FHIT: variants seen among roughly 807,000 people sequenced by gnomAD.
FHIT encodes bis(5'-adenosyl)-triphosphatase.
FHIT carries 19 observed loss-of-function variants against 17.9 expected under a neutral mutation model. The ratio of observed to expected loss-of-function variants is 1.06; its 90% CI spans 0.74 to 1.56. FHIT has a LOEUF of 1.56. FHIT is among the 40% of genes most tolerant of loss of function. The pLI, the probability that FHIT is intolerant of heterozygous loss-of-function variation, is 0.00. For missense variants in FHIT, 248 were observed against 189.2 expected, an observed-to-expected ratio of 1.31 and a Z score of -1.82; for synonymous variants, 81 against 69.7, an observed-to-expected ratio of 1.16 and a Z score of -0.81.
intron 8 of FHIT, among the ~76,000 whole-genome samples, chr3:59,832,804 G>T (rs1406375313): frequency 6.6e-6 from 1 of 152,138 alleles, no homozygotes; most frequent in Admixed American, 6.6e-5. Context: ...GGATGCTAGG[G>T]GCTATCTTCC....
At chr3:61,191,823 T>C (rs1466830670) in intron 2 of FHIT, among the ~76,000 whole-genome samples, 1 of 152,014 alleles carries the variant, frequency 6.6e-6, no homozygotes. Context: ...TTGCTTAACA[T>C]GCCGGCCAAA....
chr3:59,858,082 T>G (rs1001784814), intron 8 of FHIT, among the ~76,000 whole-genome samples: 8 of 152,116 alleles, frequency 5.3e-5, no homozygotes, highest in Admixed American at 1.3e-4. Flanking sequence ...GACAAGTAAG[T>G]AATGCAGAGA....
At chr3:60,060,608 T>C (rs183343850) in intron 5 of FHIT, among the ~76,000 whole-genome samples, 98 of 152,292 alleles carry the variant, frequency 6.4e-4, no homozygotes, top group Middle Eastern at 3.4e-3. Flanking sequence ...ATGAAAACTG[T>C]GGCACATTTG....
At chr3:60,013,402 C>T (rs996622729) in intron 6 of FHIT, among the ~76,000 whole-genome samples, 24 of 152,302 alleles carry the variant, frequency 1.6e-4, no homozygotes, top group African/African-American at 3.4e-4. Context: ...TATGTTACTA[C>T]GGATTTACTC....
At chr3:60,078,790 C>A (rs1703146130) in intron 5 of FHIT, among the ~76,000 whole-genome samples, 1 of 151,962 alleles carries the variant, frequency 6.6e-6, no homozygotes, top group African/African-American at 2.4e-5. Flanking sequence ...ATATATGGTA[C>A]ACACACTCAT....
chr3:60,223,216 T>C (rs572244468), intron 5 of FHIT, among the ~76,000 whole-genome samples: 2 of 152,308 alleles, frequency 1.3e-5, no homozygotes, highest in African/African-American at 2.4e-5. Flanking sequence ...AGTGGTGTCA[T>C]GCTCTGTGCT....
chr3:59,825,425 G>A (rs960413659), intron 8 of FHIT, among the ~76,000 whole-genome samples: 1 of 152,150 alleles, frequency 6.6e-6, no homozygotes, highest in East Asian at 1.9e-4. Context: ...GTTGAGTTCT[G>A]TTGTGGTTCA....
At chr3:60,294,857 C>A (rs548581591) in intron 5 of FHIT, among the ~76,000 whole-genome samples, 1 of 152,246 alleles carries the variant, frequency 6.6e-6, no homozygotes, top group South Asian at 2.1e-4. Flanking sequence ...CTGTATGTAT[C>A]AATAGTTCAT....
chr3:60,327,835 G>A (rs1709772694), intron 5 of FHIT, among the ~76,000 whole-genome samples: 1 of 152,084 alleles, frequency 6.6e-6, no homozygotes, highest in African/African-American at 2.4e-5. Flanking sequence ...TTCAAATGAA[G>A]AGACTCTAAT....
At chr3:61,154,852 G>C (rs912568830) in intron 2 of FHIT, among the ~76,000 whole-genome samples, 2 of 152,176 alleles carry the variant, frequency 1.3e-5, no homozygotes, top group Non-Finnish European at 2.9e-5. Context: ...GCTTTTGAAA[G>C]CATTTTCAAA....
chr3:60,951,281 C>T (rs1300313433), intron 3 of FHIT, among the ~76,000 whole-genome samples: 1 of 152,144 alleles, frequency 6.6e-6, no homozygotes, highest in Non-Finnish European at 1.5e-5. Context: ...GCAAAGAAGA[C>T]ATGCCAATAA....
chr3:60,830,865 A>G (rs1318347981), intron 3 of FHIT, among the ~76,000 whole-genome samples: 2 of 152,166 alleles, frequency 1.3e-5, no homozygotes, highest in African/African-American at 4.8e-5. Flanking sequence ...TGGAAGTATT[A>G]AAACATCTCA....
intron 4 of FHIT, among the ~76,000 whole-genome samples, chr3:60,667,021 A>ATTTTTTTTTTTTTT (rs56071877): frequency 5.9e-5 from 2 of 34,128 alleles, no homozygotes; most frequent in African/African-American, 2.1e-4. Context: ...TGCCTGGTTA[A>ATTTTTTTTTTTTTT]TTTTTTTTTT....
intron 5 of FHIT, among the ~76,000 whole-genome samples, chr3:60,341,831 G>A (rs556722699): frequency 3.7e-4 from 56 of 152,152 alleles, no homozygotes; most frequent in Middle Eastern, 3.4e-3. Flanking sequence ...GGAAATATTC[G>A]CACCGCCTGG....
At chr3:60,745,401 T>C (rs1343308735) in intron 4 of FHIT, among the ~76,000 whole-genome samples, 3 of 152,072 alleles carry the variant, frequency 2.0e-5, no homozygotes, top group Admixed American at 1.3e-4. Context: ...ATGCAAGGAA[T>C]AGAGTGATGA....
chr3:60,568,551 T>TACA (rs2037225465), intron 4 of FHIT, among the ~76,000 whole-genome samples: 3 of 152,000 alleles, frequency 2.0e-5, no homozygotes, highest in Non-Finnish European at 4.4e-5. Context: ...GGCACATGTA[T>TACA]ACATATGTAA....
chr3:60,114,686 G>C (rs2107194209), intron 5 of FHIT, among the ~76,000 whole-genome samples: 1 of 151,772 alleles, frequency 6.6e-6, no homozygotes, highest in African/African-American at 2.4e-5. Context: ...TAAAGATGAG[G>C]TGTCACCGTC....
intron 7 of FHIT, among the ~76,000 whole-genome samples, chr3:59,946,210 T>C (rs1260109915): frequency 1.3e-5 from 2 of 152,176 alleles, no homozygotes; most frequent in Non-Finnish European, 2.9e-5. Flanking sequence ...AGGAGTGTTT[T>C]ATAATTCTCA....
At chr3:59,817,497 G>C (rs1301377342) in intron 8 of FHIT, among the ~76,000 whole-genome samples, 1 of 146,592 alleles carries the variant, frequency 6.8e-6, no homozygotes, top group Non-Finnish European at 1.5e-5. Flanking sequence ...GGAGGTCGGG[G>C]CTGCATAATG....
Sources: gnomAD v4.1 joint callset for allele counts (sites outside exome capture counted in the v4.1 genomes callset) on GRCh38, gnomAD v4.1.1 for gene constraint, MANE v1.5 for transcripts, NCBI Gene and HGNC (gene_info 2026-07-23, HGNC 2026-07-21) for gene names.